MPDZ: variants seen among roughly 807,000 people sequenced by gnomAD.
MPDZ encodes multiple PDZ domain crumbs cell polarity complex component, also known as multiple PDZ domain protein.
A neutral mutation model predicts 239.1 loss-of-function variants in MPDZ; 234 were observed. The observed-to-expected ratio is 0.98, with a 90% confidence interval of 0.88 to 1.09. MPDZ has a LOEUF of 1.09. Among genes scored for constraint, MPDZ ranks in the 50% least tolerant of loss-of-function variants. The pLI is 0.00. For missense variants in MPDZ, 3,175 were observed against 2,510.0 expected (o/e 1.26, Z -5.66); for synonymous variants, 1,048 against 881.3 (o/e 1.19, Z -3.35).
intron 27 of MPDZ, among the ~76,000 whole-genome samples, chr9:13,141,591 ATAT>A (rs992398142): frequency 2.8e-4 from 42 of 152,262 alleles, no homozygotes; most frequent in African/African-American, 8.7e-4. Context: ...ATCTAGAAAA[ATAT>A]TATGATTTTT....
chr9:13,247,893 T>C (rs1168668314), intron 2 of MPDZ, 92 bp from the exon 3 acceptor site: 4 of 1,241,766 alleles, frequency 3.2e-6, no homozygotes, highest in South Asian at 1.7e-5. Flanking sequence ...TCTAAAACTA[T>C]TTCTATTGAG....
intron 26 of MPDZ, among the ~76,000 whole-genome samples, chr9:13,143,871 C>A (rs1270540962): frequency 6.6e-6 from 1 of 152,008 alleles, no homozygotes; most frequent in Non-Finnish European, 1.5e-5. Context: ...ATATATTTTG[C>A]CCATCTTATA....
At chr9:13,128,995 T>A (rs1275457058) in intron 32 of MPDZ, among the ~76,000 whole-genome samples, 1 of 152,208 alleles carries the variant, frequency 6.6e-6, no homozygotes, top group Non-Finnish European at 1.5e-5. Context: ...TCCATAAATC[T>A]TCTTCCTTGA....
At chr9:13,218,966 C>G (rs1958709694) in intron 8 of MPDZ, among the ~76,000 whole-genome samples, 1 of 151,728 alleles carries the variant, frequency 6.6e-6, no homozygotes, top group African/African-American at 2.4e-5. Flanking sequence ...TGTTATAACA[C>G]CAAAAGAATA....
chr9:13,135,108 C>G (rs1946550731), intron 31 of MPDZ: 1 of 152,230 alleles, frequency 6.6e-6, no homozygotes, highest in African/African-American at 2.4e-5. Context: ...ATCCAACAGG[C>G]ACTTCGTTCT....
Position 13,113,985 on chromosome 9 carries a change from G to T in MPDZ, c.5503C>A (p.Leu1835Ile), listed in dbSNP as rs750913399. The T allele has an allele frequency of 6.3e-7, 1 of 1,598,536 alleles. No homozygotes were observed. The highest frequency in any genetic ancestry group is 2.2e-5 in the East Asian group (1 of 44,584). The change falls in exon 41 of 47, where the codon CTC becomes ATC. Residue 1835 changes from leucine to isoleucine, a missense_variant. Transcript: ENST00000319217. ...EGSLSSFTFP[L>I]SGSSTSESLE... ...GACTCAGATGTACTGGATCCAGAGA[G>T]TGGAAAAGTGAAAGATGACAGGCTG...
chr9:13,246,189 T>A (rs1390694231), intron 3 of MPDZ, among the ~76,000 whole-genome samples: 1 of 152,178 alleles, frequency 6.6e-6, no homozygotes, highest in East Asian at 1.9e-4. Flanking sequence ...GGCTCACTCC[T>A]GTAATCCCAG....
intron 21 of MPDZ, among the ~76,000 whole-genome samples, chr9:13,169,790 C>A (rs1481170700): frequency 2.6e-5 from 4 of 152,176 alleles, no homozygotes; most frequent in Non-Finnish European, 2.9e-5. Context: ...CAGTGTGCAT[C>A]CTTGCTTTGT....
rs776013591 is a variant in MPDZ, at chr9:13,112,963, T to C, written c.5601+48A>G. 4 of 1,495,324 alleles carry C rather than the reference T, an allele frequency of 2.7e-6. No homozygotes were observed. The South Asian group carries it at 4.8e-5, about 18-fold the overall frequency. The allele number at this position is 1,495,324 out of a possible 1,614,324, so 92.6% of individuals were successfully genotyped here. ...GTTAACAAGAAAACACATATGAAGA[T>C]GTCTCTTAAAACGCCAGGGTTTATA... On this transcript the variant is annotated intron_variant, in intron 42 of 46. Coordinates refer to ENST00000319217, the MANE Select transcript of MPDZ (RefSeq NM_001378778.1).
chr9:13,264,061 T>C (rs909290653), intron 1 of MPDZ, among the ~76,000 whole-genome samples: 3 of 152,182 alleles, frequency 2.0e-5, no homozygotes, highest in African/African-American at 7.2e-5. Flanking sequence ...ATTAATTTTC[T>C]AATGGAGGGA....
At chr9:13,173,704 C>CA (rs1357050642) in intron 21 of MPDZ, among the ~76,000 whole-genome samples, 1,548 of 114,014 alleles carry the variant, frequency 0.014, 19 homozygotes, top group African/African-American at 0.033. Flanking sequence ...AACTCTCTCT[C>CA]AAAAAAAAAA....
intron 22 of MPDZ, chr9:13,165,512 G>C: frequency 1.4e-6 from 2 of 1,396,970 alleles, no homozygotes; most frequent in South Asian, 1.4e-5. Flanking sequence ...TTAAAAGTGG[G>C]TGCTCCTGGT....
chr9:13,113,133 A>C, intron 41 of MPDZ, 79 bp from the exon 42 acceptor site: 5 of 1,265,270 alleles, frequency 4.0e-6, no homozygotes, highest in Non-Finnish European at 5.5e-6. Context: ...CTAAAGCTGG[A>C]TGGGACTAAA....
intron 27 of MPDZ, 118 bp downstream of exon 27, chr9:13,143,348 G>T (rs1013060830): frequency 1.2e-5 from 9 of 749,882 alleles, no homozygotes; most frequent in African/African-American, 3.5e-5. Context: ...TTGTTTTTTT[G>T]TTTTTTTTTC....
chr9:13,146,494 T>C (rs1313682802), intron 26 of MPDZ, among the ~76,000 whole-genome samples: 1 of 152,104 alleles, frequency 6.6e-6, no homozygotes, highest in East Asian at 1.9e-4. Flanking sequence ...TTTTAAGTTT[T>C]AGACGATGCG....
intron 1 of MPDZ, 47 bp downstream of exon 1, chr9:13,279,353 G>C (rs1309450924): frequency 7.0e-6 from 1 of 142,680 alleles, no homozygotes; most frequent in Admixed American, 6.9e-5. Flanking sequence ...CGCGCAGGGC[G>C]CGGGGGCGCG....
At chr9:13,198,914 T>C (rs187117265) in intron 12 of MPDZ, among the ~76,000 whole-genome samples, 4 of 152,042 alleles carry the variant, frequency 2.6e-5, no homozygotes, top group South Asian at 2.1e-4. Flanking sequence ...AGGGTTGTTT[T>C]CTCTATTTGT....
intron 20 of MPDZ, 57 bp from the exon 21 acceptor site, chr9:13,175,932 G>T: frequency 6.5e-7 from 1 of 1,534,708 alleles, no homozygotes. Context: ...AGACTTTGGA[G>T]CGTGATTTCA....
At position 13,140,063 on chromosome 9, in the gene MPDZ, A is replaced by T. The variant is rs1386074984; in HGVS notation, c.3927T>A (p.Gly1309=). Reference sequence around the variant, plus strand: ...TTGCAGATGACTGTGTGTGATCACTACCCATTTCGGCAAAGGCTGAAGGAG... The same window carrying T: ...TTGCAGATGACTGTGTGTGATCACTTCCCATTTCGGCAAAGGCTGAAGGAG... ...PPPPSAFAEM[G]SDHTQSSASK... is the part of the protein sequence containing the mutation. Residue 1309 remains glycine, a synonymous_variant, in exon 28 of 47, where the codon GGT becomes GGA. Coordinates refer to ENST00000319217, the MANE Select transcript of MPDZ (RefSeq NM_001378778.1). The T allele has an allele frequency of 6.2e-7, 1 of 1,611,188 alleles. No individual in the cohort carries two copies. Among genetic ancestry groups the T allele is most frequent in the South Asian group, 1.1e-5 (1 of 90,998 alleles).
Sources: allele counts gnomAD v4.1 joint callset (sites outside exome capture counted in the v4.1 genomes callset), GRCh38; gene constraint gnomAD v4.1.1; transcripts MANE v1.5; gene names NCBI Gene and HGNC (gene_info 2026-07-23, HGNC 2026-07-21).